Variants in NID1 observed in about 807,000 individuals in gnomAD.
The protein encoded by NID1 is nidogen 1, also known as nidogen-1.
Under a neutral mutation model 130.6 loss-of-function variants are expected in NID1, and 76 were observed. That is an observed-to-expected ratio of 0.58 (90% confidence interval 0.48 to 0.70). The LOEUF (loss-of-function observed/expected upper bound fraction) is 0.70, where lower values mean the gene tolerates loss of function less well. Ranked by LOEUF, NID1 falls within the 30% of genes least tolerant of loss-of-function variation. The pLI is 0.00. For missense variants in NID1, 1,517 were observed against 1,664.8 expected, an observed-to-expected ratio of 0.91 and a Z score of 1.54; for synonymous variants, 665 against 675.1, an observed-to-expected ratio of 0.98 and a Z score of 0.23.
chr1:236,046,381 G>A lies in NID1; in HGVS notation c.526-698C>T, dbSNP rs552912898. Reference sequence around the variant, plus strand: ...AGAAAACATTGCAAAACCTGAGGTTGGATTCTGTAATCGAAACATTTGCAA... The same window carrying A: ...AGAAAACATTGCAAAACCTGAGGTTAGATTCTGTAATCGAAACATTTGCAA... On this transcript the variant is annotated intron_variant, in intron 2 of 19. Transcript: ENST00000264187. Among the ~76,000 whole-genome samples the A allele has an allele frequency of 3.9e-5, 6 of 152,296 alleles. No homozygotes were observed. The South Asian group carries it at 1.2e-3, about 32-fold the overall frequency.
chr1:235,994,382 G>A (rs1473680897), intron 12 of NID1, among the ~76,000 whole-genome samples: 1 of 152,102 alleles, frequency 6.6e-6, no homozygotes, highest in Admixed American at 6.5e-5. Flanking sequence ...GGCTGGTCTC[G>A]AATACCTGGC....
chr1:236,054,182 G>A (rs949161532), intron 1 of NID1, among the ~76,000 whole-genome samples: 4 of 152,192 alleles, frequency 2.6e-5, no homozygotes, highest in South Asian at 2.1e-4. Context: ...ATGGCTAGGC[G>A]AGGTGGCTTG....
chr1:236,019,059 A>G (rs1251996115), intron 9 of NID1, among the ~76,000 whole-genome samples: 1 of 152,228 alleles, frequency 6.6e-6, no homozygotes, highest in Non-Finnish European at 1.5e-5. Flanking sequence ...TAGAGATTAT[A>G]CTGATATGTG....
intron 12 of NID1, among the ~76,000 whole-genome samples, chr1:236,003,597 C>G (rs978983771): frequency 6.6e-6 from 1 of 152,112 alleles, no homozygotes. Context: ...AGGCCAGGCA[C>G]GATGGCTCAC....
chr1:236,043,399 G>C (rs1280920539), intron 3 of NID1, among the ~76,000 whole-genome samples: 4 of 152,082 alleles, frequency 2.6e-5, no homozygotes, highest in African/African-American at 9.7e-5. Flanking sequence ...TGAAGTGTAG[G>C]ACACCCGGCT....
In NID1 at chr1:236,045,561, A is replaced by T; in HGVS notation, c.648T>A (p.Pro216=). Residue 216 remains proline (P), a synonymous_variant, in exon 3 of 20, where the codon CCT becomes CCA. Transcript: ENST00000264187. ...AACCTTGACTGAATGCAACCACGGC[A>T]GGAACTTGGTTGTTTTCCTTCTTTG... The part of the protein sequence containing the change: ...TFSKKENNQV[P]AVVAFSQGSV... The T allele has an allele frequency of 6.2e-7, 1 of 1,614,158 alleles. No homozygotes were observed. Among genetic ancestry groups the T allele is most frequent in the Non-Finnish European group, 8.5e-7 (1 of 1,180,000 alleles).
At chr1:235,988,446 C>T (rs755431736) in intron 14 of NID1, among the ~76,000 whole-genome samples, 1 of 152,172 alleles carries the variant, frequency 6.6e-6, no homozygotes, top group Non-Finnish European at 1.5e-5. Context: ...TAAAATGGTA[C>T]AACCACTGTG....
chr1:235,986,526 T>C (rs1028319550), intron 14 of NID1, among the ~76,000 whole-genome samples: 2 of 152,004 alleles, frequency 1.3e-5, no homozygotes, highest in Admixed American at 6.5e-5. Flanking sequence ...CATGAAACTA[T>C]AAAAGACCCA....
intron 9 of NID1, among the ~76,000 whole-genome samples, chr1:236,020,680 C>T (rs568487531): frequency 1.3e-5 from 2 of 152,350 alleles, no homozygotes; most frequent in South Asian, 2.1e-4. Context: ...TAACGCACTT[C>T]CCAAGTCCAA....
At chr1:236,064,668 G>A (rs1203858203) in intron 1 of NID1, 187 bp downstream of exon 1, 3 of 638,138 alleles carry the variant, frequency 4.7e-6, no homozygotes, top group Non-Finnish European at 8.4e-6. Context: ...TCTTCGGATA[G>A]CAGGGACCGG....
At position 235,979,615 on chromosome 1, in the gene NID1, C is replaced by A. The variant is rs1294179539; in HGVS notation, c.3509+207G>T. Among the ~76,000 whole-genome samples the A allele has an allele frequency of 6.6e-6, 1 of 152,140 alleles. No individual in the cohort carries two copies. The highest frequency in any genetic ancestry group is 1.5e-5 in the Non-Finnish European group (1 of 68,020). ...TGGATGATAAATGGCACCTCCTGTC[C>A]CCTAGGGCCTTGTCCTCCCTCCTTC... On this transcript the variant is annotated intron_variant, in intron 18 of 19. Transcript: ENST00000264187. This position sits in a 1 kb window ranked among gnomAD's most constrained non-coding sequence, Gnocchi z 4.6.
rs144378031 is a variant in NID1 at position 235,984,627 on chromosome 1, T to C, written c.3055+752A>G. Among the ~76,000 whole-genome samples, 1,022 of 152,322 alleles carry C rather than the reference T, an allele frequency of 6.7e-3. 7 individuals are homozygous for C. Among genetic ancestry groups the C allele is most frequent in the Middle Eastern group, 0.027 (8 of 294 alleles). On this transcript the variant is annotated intron_variant, in intron 15 of 19. Transcript: ENST00000264187. ...AGAACAAATATCATCAGCATGACAA[T>C]GCCATAGGAGCAAAAATATTCCCAA...
intron 1 of NID1, chr1:236,060,803 T>G (rs959193650): frequency 1.7e-4 from 26 of 152,270 alleles, no homozygotes; most frequent in Admixed American, 1.5e-3. Flanking sequence ...TCTTTAAATT[T>G]TAACTACGGG....
chr1:235,989,400 C>T (rs1657664255), intron 14 of NID1, among the ~76,000 whole-genome samples: 1 of 152,192 alleles, frequency 6.6e-6, no homozygotes, highest in Non-Finnish European at 1.5e-5. Flanking sequence ...ATGGAAATGA[C>T]ACAGATGATC....
chr1:235,997,729 C>T lies in NID1; in HGVS notation c.2528-3857G>A, dbSNP rs1196776527. On this transcript the variant is annotated intron_variant, in intron 12 of 19. Transcript: ENST00000264187. Reference sequence around the variant, plus strand: ...TCAAGCAGTTCTCCTGTCTCAGCCTCCTGAGTAGCTGAGACTACAGGTGCC... The same window carrying T: ...TCAAGCAGTTCTCCTGTCTCAGCCTTCTGAGTAGCTGAGACTACAGGTGCC... Among the ~76,000 whole-genome samples the T allele has an allele frequency of 2.6e-5, 4 of 151,998 alleles. No homozygotes were observed. The East Asian group carries it at 5.8e-4, about 22-fold the overall frequency.
At chr1:236,007,756 CTAA>C (rs1658291682) in intron 12 of NID1, among the ~76,000 whole-genome samples, 1 of 152,172 alleles carries the variant, frequency 6.6e-6, no homozygotes, top group South Asian at 2.1e-4. Context: ...ACAGCCCCGA[CTAA>C]TGTCTCAGCA....
In NID1 at chr1:236,049,620, G is replaced by T. The variant is rs1184918834; in HGVS notation, c.226-631C>A. Among the ~76,000 whole-genome samples, 4 of 152,256 alleles carry T rather than the reference G, an allele frequency of 2.6e-5. No individual in the cohort carries two copies. The East Asian group carries it at 7.7e-4, about 29-fold the overall frequency. On this transcript the variant is annotated intron_variant, in intron 1 of 19. Coordinates refer to ENST00000264187, the MANE Select transcript of NID1 (RefSeq NM_002508.3). ...TAGCATCAAGAAGCAAATCTGTATG[G>T]GGCATTATGGTATCACTAATTATTT... is the stretch of plus-strand genomic sequence containing the variant.
intron 1 of NID1, among the ~76,000 whole-genome samples, chr1:236,060,301 T>C (rs1312302742): frequency 6.6e-6 from 1 of 152,092 alleles, no homozygotes; most frequent in Non-Finnish European, 1.5e-5. Flanking sequence ...GGTGAGAGTG[T>C]AGTAGTGAGG....
chr1:236,064,215 G>A (rs1210681250), intron 1 of NID1, among the ~76,000 whole-genome samples: 2 of 152,160 alleles, frequency 1.3e-5, no homozygotes, highest in Non-Finnish European at 2.9e-5. Flanking sequence ...ATCTGGTCCC[G>A]CTCCTCGTTT....
Sources: allele counts gnomAD v4.1 joint callset (sites outside exome capture counted in the v4.1 genomes callset), GRCh38; gene constraint gnomAD v4.1.1; non-coding constraint Gnocchi (gnomAD v3.1); transcripts MANE v1.5; gene names NCBI Gene and HGNC (gene_info 2026-07-23, HGNC 2026-07-21).